CREB5: variants seen among roughly 807,000 people sequenced by gnomAD.
CREB5 encodes the protein cyclic AMP-responsive element-binding protein 5.
Under a neutral mutation model 57.1 loss-of-function variants are expected in CREB5, and 19 were observed. The observed-to-expected ratio is 0.33, with a 90% CI of 0.23 to 0.49. CREB5 has a LOEUF of 0.49. CREB5 is among the 20% of genes least tolerant of loss of function. CREB5 has a pLI of 0.99. For missense variants in CREB5, 579 were observed against 671.6 expected, an observed-to-expected ratio of 0.86 and a Z score of 1.52; for synonymous variants, 238 against 238.3, an observed-to-expected ratio of 1.00 and a Z score of 0.01.
chr7:28,671,003 G>A (rs190727498), intron 5 of CREB5, among the ~76,000 whole-genome samples: 1 of 152,206 alleles, frequency 6.6e-6, no homozygotes, highest in Admixed American at 6.5e-5. Context: ...GGAGAGTGGT[G>A]ACTTCATGCC....
At chr7:28,414,180 T>A (rs1315811265) in intron 1 of CREB5, among the ~76,000 whole-genome samples, 2 of 152,124 alleles carry the variant, frequency 1.3e-5, no homozygotes, top group African/African-American at 4.8e-5. Context: ...TTCTTCTTCT[T>A]CTAAGCAATG....
chr7:28,512,807 G>C (rs1792771899), intron 4 of CREB5, among the ~76,000 whole-genome samples: 1 of 152,210 alleles, frequency 6.6e-6, no homozygotes, highest in African/African-American at 2.4e-5. Flanking sequence ...TAAGTGCTAA[G>C]TGTTGTTATT....
At chr7:28,509,779 G>A (rs912046012) in intron 4 of CREB5, among the ~76,000 whole-genome samples, 2 of 152,144 alleles carry the variant, frequency 1.3e-5, no homozygotes, top group African/African-American at 4.8e-5. Flanking sequence ...TTTAAGTGTT[G>A]CTCATAGCCA....
intron 1 of CREB5, among the ~76,000 whole-genome samples, chr7:28,330,450 C>G (rs13230543): frequency 7.8e-6 from 1 of 127,476 alleles, no homozygotes; most frequent in Non-Finnish European, 1.6e-5. Context: ...GTCAGAGGAA[C>G]CTTTTCTCCC....
At chr7:28,667,783 C>A (rs1799882887) in intron 5 of CREB5, among the ~76,000 whole-genome samples, 2 of 152,242 alleles carry the variant, frequency 1.3e-5, no homozygotes, top group South Asian at 2.1e-4. Context: ...GAAACGAAAA[C>A]AAATACCTGT....
chr7:28,667,233 G>C lies in CREB5; in HGVS notation c.465-51520G>C, dbSNP rs564546087. ...ACTGTGGGAGCTGGAATGTCAATCA[G>C]AATTATCAAGGATACTATTTATTGG... On this transcript the variant is annotated intron_variant, in intron 5 of 10. Coordinates refer to ENST00000357727, the MANE Select transcript of CREB5 (RefSeq NM_182898.4). Among the ~76,000 whole-genome samples the C allele has an allele frequency of 2.2e-3, 339 of 151,156 alleles. 4 individuals carry two copies. Among genetic ancestry groups the C allele is most frequent in the African/African-American group, 7.9e-3 (325 of 41,146 alleles).
intron 1 of CREB5, among the ~76,000 whole-genome samples, chr7:28,323,383 C>T (rs74362313): frequency 0.046 from 6,935 of 152,242 alleles, 525 homozygotes; most frequent in African/African-American, 0.16. Context: ...TCCCTTCCTC[C>T]GTGTTCCTAT....
intron 5 of CREB5, among the ~76,000 whole-genome samples, chr7:28,701,733 T>C (rs1801869652): frequency 6.6e-6 from 1 of 152,216 alleles, no homozygotes. Context: ...AATTGGAGCA[T>C]AATTTTTTTG....
At chr7:28,593,166 A>G (rs143569970) in intron 5 of CREB5, among the ~76,000 whole-genome samples, 1 of 152,240 alleles carries the variant, frequency 6.6e-6, no homozygotes, top group Non-Finnish European at 1.5e-5. Context: ...ATATCACAGC[A>G]TGAGGTGTGT....
chr7:28,607,393 T>A (rs924426111), intron 5 of CREB5, among the ~76,000 whole-genome samples: 2 of 152,064 alleles, frequency 1.3e-5, no homozygotes, highest in Non-Finnish European at 2.9e-5. Context: ...TTGCATACAC[T>A]CACTGGGGGC....
At chr7:28,364,500 C>T (rs941058474) in intron 1 of CREB5, among the ~76,000 whole-genome samples, 2 of 152,184 alleles carry the variant, frequency 1.3e-5, no homozygotes, top group Non-Finnish European at 2.9e-5. Flanking sequence ...GTGCATCTCC[C>T]TTGTAGAGGC....
chr7:28,474,428 G>A (rs1583507806), intron 1 of CREB5, among the ~76,000 whole-genome samples: 1 of 152,158 alleles, frequency 6.6e-6, no homozygotes, highest in Non-Finnish European at 1.5e-5. Flanking sequence ...GGCTTGCCCA[G>A]AAAAATAACA....
At chr7:28,643,127 A>ATT (rs1245546465) in intron 5 of CREB5, among the ~76,000 whole-genome samples, 1 of 152,066 alleles carries the variant, frequency 6.6e-6, no homozygotes, top group African/African-American at 2.4e-5. Context: ...GAGGGTTTGC[A>ATT]GTGGCACCTG....
intron 1 of CREB5, among the ~76,000 whole-genome samples, chr7:28,315,103 C>A (rs771085799): frequency 2.5e-4 from 38 of 152,120 alleles, no homozygotes; most frequent in Non-Finnish European, 5.4e-4. Flanking sequence ...CCAGCCTATA[C>A]AAGGTATGGA....
intron 5 of CREB5, among the ~76,000 whole-genome samples, chr7:28,679,480 T>A (rs1009851540): frequency 1.3e-5 from 2 of 152,016 alleles, no homozygotes; most frequent in Admixed American, 1.3e-4. Flanking sequence ...GATTTCAGGG[T>A]GTAAAAGGGA....
At chr7:28,406,643 T>A (rs1787586579) in intron 1 of CREB5, among the ~76,000 whole-genome samples, 1 of 152,198 alleles carries the variant, frequency 6.6e-6, no homozygotes. Flanking sequence ...AGGGGGCAAA[T>A]GCCCCAGGCC....
chr7:28,337,086 T>A (rs1310817495), intron 1 of CREB5, among the ~76,000 whole-genome samples: 1 of 152,132 alleles, frequency 6.6e-6, no homozygotes, highest in Non-Finnish European at 1.5e-5. Flanking sequence ...TATTTTGAAC[T>A]TTTTTAAGAC....
intron 1 of CREB5, among the ~76,000 whole-genome samples, chr7:28,485,147 A>C (rs1181548576): frequency 6.6e-6 from 1 of 152,146 alleles, no homozygotes; most frequent in Non-Finnish European, 1.5e-5. Flanking sequence ...CCTCATACTT[A>C]AGTGTCTGGG....
intron 5 of CREB5, among the ~76,000 whole-genome samples, chr7:28,696,718 T>A (rs116058687): frequency 0.05 from 7,680 of 152,168 alleles, 249 homozygotes; most frequent in South Asian, 0.065. Context: ...CCTACACATA[T>A]ATACATATGT....
Sources: gnomAD v4.1 joint callset for allele counts (sites outside exome capture counted in the v4.1 genomes callset) on GRCh38, gnomAD v4.1.1 for gene constraint, MANE v1.5 for transcripts, NCBI Gene and HGNC (gene_info 2026-07-23, HGNC 2026-07-21) for gene names.